Variants in VASP observed in about 807,000 individuals in gnomAD.
The protein encoded by VASP is vasodilator stimulated phosphoprotein, also known as vasodilator-stimulated phosphoprotein.
Under a neutral mutation model 54.4 loss-of-function variants are expected in VASP, and 27 were observed. The ratio of observed to expected loss-of-function variants is 0.50; its 90% confidence interval spans 0.37 to 0.68. The LOEUF (loss-of-function observed/expected upper bound fraction) is 0.68. Among genes scored for constraint, VASP ranks in the 30% least tolerant of loss-of-function variants. The pLI is 0.00. For synonymous variants in VASP, 233 were observed against 209.8 expected, an observed-to-expected ratio of 1.11 and a Z score of -0.96; for missense variants, 488 against 528.3, an observed-to-expected ratio of 0.92 and a Z score of 0.75.
intron 1 of VASP, among the ~76,000 whole-genome samples, chr19:45,511,286 C>T (rs1054689362): frequency 6.6e-6 from 1 of 152,140 alleles, no homozygotes; most frequent in African/African-American, 2.4e-5. Context: ...ATTCACCATG[C>T]TTGATTACCT....
At chr19:45,515,693 C>T (rs777002962) in intron 1 of VASP, among the ~76,000 whole-genome samples, 2 of 152,136 alleles carry the variant, frequency 1.3e-5, no homozygotes, top group Non-Finnish European at 2.9e-5. Flanking sequence ...CACACCACCA[C>T]GCCCAGCTAA....
At chr19:45,519,613 T>C (rs2122318907) in intron 3 of VASP, among the ~76,000 whole-genome samples, 1 of 149,424 alleles carries the variant, frequency 6.7e-6, no homozygotes, top group East Asian at 2.0e-4. Flanking sequence ...TTTTTTTTTT[T>C]GGAGACGGAG....
chr19:45,525,701 A>AAAAAAG (rs1395085109), intron 11 of VASP: 14 of 407,442 alleles, frequency 3.4e-5, no homozygotes, highest in African/African-American at 2.3e-4. Context: ...GTTTCAAAAA[A>AAAAAAG]AAAAAGAAAA....
At chr19:45,523,512 C>T (rs1428716929) in intron 7 of VASP, 132 bp from the exon 8 acceptor site, 1 of 1,050,056 alleles carries the variant, frequency 9.5e-7, no homozygotes, top group African/African-American at 1.6e-5. Context: ...TCTTGAATTT[C>T]TAAAACTAGA....
At chr19:45,524,982 C>T (rs916342293) in intron 11 of VASP, 1 of 266,092 alleles carries the variant, frequency 3.8e-6, no homozygotes, top group Non-Finnish European at 7.5e-6. Flanking sequence ...TGGATGTTCT[C>T]CAGTACTTTT....
Position 45,522,474 on chromosome 19 carries a change from C to G in VASP, c.613C>G (p.Pro205Ala). Residue 205 changes from proline to alanine, a missense_variant, in exon 6 of 13, where the codon CCC (proline) becomes GCC (alanine). Physicochemically the swap from Pro to Ala is conservative, Grantham distance 27 (BLOSUM62 -1). Around this residue, in one of 4 missense-constraint regions of VASP, gnomAD observed 226 missense variants for 196.0 expected, o/e 1.15. Transcript: ENST00000245932. ...AGCGCACGGAGCAGGGGGAGGACCACCCCCTGCACCCCCTCTCCCGGCAGC... is the reference window on the plus strand; with the variant it reads ...AGCGCACGGAGCAGGGGGAGGACCAGCCCCTGCACCCCCTCTCCCGGCAGC... ...AAAHGAGGGP[P>A]PAPPLPAAQG... 6.8e-7 allele frequency: 1 copy of G among 1,473,536 alleles called. No homozygotes were observed. Among genetic ancestry groups the G allele is most frequent in the Non-Finnish European group, 9.0e-7 (1 of 1,114,956 alleles). 91.3% of individuals were successfully genotyped at this position (1,473,536 alleles called of 1,614,324 possible). A position where few individuals can be genotyped will look rare whatever the true frequency, so the allele number is the denominator to read the frequency against.
chr19:45,523,880 G>A lies in VASP; in HGVS notation c.910+3G>A, dbSNP rs561894577. The A allele has an allele frequency of 1.1e-5, 17 of 1,613,748 alleles. No individual in the cohort carries two copies. The highest frequency in any genetic ancestry group is 3.3e-5 in the South Asian group (3 of 91,058). ...GGCCAGAGTCCCGGCCCAGAGTGGTGAGTAGAGTGCCCAGTCCAGCCACAG... is the reference window on the plus strand; with the variant it reads ...GGCCAGAGTCCCGGCCCAGAGTGGTAAGTAGAGTGCCCAGTCCAGCCACAG... On this transcript the variant is annotated splice_donor_region_variant and intron_variant, in intron 9 of 12. Transcript: ENST00000245932.
Position 45,507,517 on chromosome 19 carries a change from G to T in VASP, c.-255G>T, listed in dbSNP as rs1378277344. ...TAACACTGTAGCCGCCACCGGCAAG[G>T]GGTGCGCGCTGGGGAGCGGACGCTG... On this transcript the variant is annotated 5_prime_UTR_variant, in exon 1 of 13. Transcript: ENST00000245932. The surrounding 1 kb of genome is among the most constrained non-coding windows in gnomAD (Gnocchi z 4.4). 1.6e-5 allele frequency: 8 copies of T among 503,266 alleles called. No homozygotes were observed. Among genetic ancestry groups the T allele is most frequent in the Non-Finnish European group, 1.8e-5 (5 of 285,406 alleles). The allele number at this position is 503,266 out of a possible 1,614,324, so 31.2% of individuals were successfully genotyped here.
intron 1 of VASP, among the ~76,000 whole-genome samples, chr19:45,512,671 C>T (rs1180022695): frequency 1.3e-5 from 2 of 152,026 alleles, no homozygotes; most frequent in African/African-American, 4.8e-5. Context: ...GTGATCTTGG[C>T]TCACTGCAAC....
chr19:45,509,398 C>CG (rs397748937), intron 1 of VASP, among the ~76,000 whole-genome samples: 6 of 152,172 alleles, frequency 3.9e-5, no homozygotes, highest in African/African-American at 1.4e-4. Flanking sequence ...TCCACCCCCC[C>CG]TCGCGTTTCC....
At chr19:45,521,804 G>A (rs1968840652) in intron 4 of VASP, among the ~76,000 whole-genome samples, 1 of 151,916 alleles carries the variant, frequency 6.6e-6, no homozygotes, top group South Asian at 2.1e-4. Context: ...CAGGAGAATC[G>A]CTTGAACCCG....
intron 1 of VASP, among the ~76,000 whole-genome samples, chr19:45,512,857 C>G (rs1376510170): frequency 3.3e-5 from 5 of 152,176 alleles, no homozygotes; most frequent in Non-Finnish European, 5.9e-5. Context: ...CCTTGGCCTC[C>G]CAAAGTGCTG....
Position 45,526,339 on chromosome 19 carries a change from T to G in VASP, c.*162T>G, listed in dbSNP as rs560535112. On this transcript the variant is annotated 3_prime_UTR_variant, in exon 13 of 13. Transcript: ENST00000245932. ...AAACTCCAAGGGGGTGTGGCTTCCC[T>G]GCTCACACCCACACTGGCTGCTGAT... The G allele has an allele frequency of 1.2e-6, 1 of 815,736 alleles. No individual in the cohort carries two copies. Among genetic ancestry groups the G allele is most frequent in the African/African-American group, 1.8e-5 (1 of 56,786 alleles). The allele number at this position is 815,736 out of a possible 1,614,324, so 50.5% of individuals were successfully genotyped here. A position where few individuals can be genotyped will look rare whatever the true frequency, so the allele number is the denominator to read the frequency against.
chr19:45,523,635 C>A lies in VASP; in HGVS notation c.822-9C>A, dbSNP rs769890209. 6.2e-7 allele frequency: 1 copy of A among 1,613,964 alleles called. No individual in the cohort carries two copies. Among genetic ancestry groups the A allele is most frequent in the Admixed American group, 1.7e-5 (1 of 59,966 alleles). On this transcript the variant is annotated splice_polypyrimidine_tract_variant and intron_variant, in intron 7 of 12. Transcript: ENST00000245932. Reference sequence around the variant, plus strand: ...CGGAAGCACGTGTTTTTGCTTTTCTCTCCTGCAGAAGGAAAGCCACGCAAG... The same window carrying A: ...CGGAAGCACGTGTTTTTGCTTTTCTATCCTGCAGAAGGAAAGCCACGCAAG...
chr19:45,521,878 C>CA (rs922602378), intron 4 of VASP, among the ~76,000 whole-genome samples: 2,160 of 123,288 alleles, frequency 0.018, 36 homozygotes, highest in African/African-American at 0.056. Context: ...GACAGAGTCT[C>CA]AAAAAAAAAA....
Position 45,517,668 on chromosome 19 carries a change from C to T in VASP, c.11C>T (p.Thr4Met), listed in dbSNP as rs370727560. Residue 4 changes from threonine to methionine, a missense_variant, in exon 2 of 13, where the codon ACG (threonine) becomes ATG (methionine). By Grantham distance (81) the Thr-to-Met change is moderately conservative. Transcript: ENST00000245932. ...CCTTTTCCTCCCGCCTGCAGCGAGA[C>T]GGTCATCTGTTCCAGCCGGGCCACT... MSE[T>M]VICSSRATVM... is the part of the protein sequence containing the mutation. 6.8e-6 allele frequency: 11 copies of T among 1,608,010 alleles called. No homozygotes were observed. The highest frequency in any genetic ancestry group is 2.2e-5 in the South Asian group (2 of 91,056).
At chr19:45,523,741 TGAG>T in intron 8 of VASP, 46 bp downstream of exon 8, 7 of 1,613,734 alleles carry the variant, frequency 4.3e-6, no homozygotes, top group Non-Finnish European at 5.1e-6. Flanking sequence ...GGCCGTACCA[TGAG>T]GGTAGGGATA....
rs1599926862 is a variant in VASP, at chr19:45,509,567, C to T, written c.5+1791C>T. 5.3e-5 allele frequency among the ~76,000 whole-genome samples: 8 copies of T among 152,244 alleles called. No homozygotes were observed. In the South Asian group the frequency reaches 1.7e-3, roughly 31 times the overall value. On this transcript the variant is annotated intron_variant, in intron 1 of 12. Coordinates refer to ENST00000245932, the MANE Select transcript of VASP (RefSeq NM_003370.4). ...CCAGCCCTGGAAGCCCTGGCCCTCCCACAAGGCCCACCTCTTGCTGTGGTG... is the reference window on the plus strand; with the variant it reads ...CCAGCCCTGGAAGCCCTGGCCCTCCTACAAGGCCCACCTCTTGCTGTGGTG...
intron 3 of VASP, among the ~76,000 whole-genome samples, chr19:45,521,025 T>A (rs1010761703): frequency 2.0e-5 from 3 of 152,212 alleles, no homozygotes; most frequent in African/African-American, 7.2e-5. Context: ...CAAGTCTTGT[T>A]CCTGCACATT....
Sources: gnomAD v4.1 joint callset for allele counts (sites outside exome capture counted in the v4.1 genomes callset) on GRCh38, gnomAD v4.1.1 for gene constraint, gnomAD v4.1.1 regional missense constraint, Gnocchi (gnomAD v3.1) non-coding constraint, MANE v1.5 for transcripts, NCBI Gene and HGNC (gene_info 2026-07-23, HGNC 2026-07-21) for gene names.